The following LDLRAD4 variants were observed in gnomAD, a reference collection of about 807,000 sequenced individuals.
LDLRAD4 encodes low density lipoprotein receptor class A domain containing 4.
LDLRAD4 carries 5 observed loss-of-function variants against 17.0 expected under a neutral mutation model. The ratio of observed to expected loss-of-function variants is 0.29; its 90% CI spans 0.15 to 0.62. The LOEUF (loss-of-function observed/expected upper bound fraction) is 0.62. LDLRAD4 is among the 20% of genes least tolerant of loss of function. The pLI is 0.84. For synonymous variants in LDLRAD4, 168 were observed against 171.8 expected (o/e 0.98, Z 0.17); for missense variants, 340 against 424.7 (o/e 0.80, Z 1.75).
At chr18:13,603,890 C>T (rs187066787) in intron 3 of LDLRAD4, among the ~76,000 whole-genome samples, 5 of 152,328 alleles carry the variant, frequency 3.3e-5, no homozygotes, top group African/African-American at 7.2e-5. Context: ...TCGTGGTGGC[C>T]GGCACATAGT....
chr18:13,612,685 C>T, intron 3 of LDLRAD4: 1 of 1,613,850 alleles, frequency 6.2e-7, no homozygotes. Context: ...GTTGGACTCC[C>T]ACTTGCAGAG....
intron 2 of LDLRAD4, among the ~76,000 whole-genome samples, chr18:13,417,261 G>GT (rs1379354148): frequency 6.6e-6 from 1 of 152,148 alleles, no homozygotes; most frequent in Non-Finnish European, 1.5e-5. Context: ...GTTTGCATAA[G>GT]TTGATTCCTT....
At chr18:13,253,834 C>T (rs574956980) in intron 1 of LDLRAD4, among the ~76,000 whole-genome samples, 10 of 152,310 alleles carry the variant, frequency 6.6e-5, no homozygotes, top group South Asian at 4.1e-4. Flanking sequence ...AGGAAGCTGC[C>T]GGGTGAGTTT....
At chr18:13,483,260 CA>C (rs2093137471) in intron 3 of LDLRAD4, among the ~76,000 whole-genome samples, 3 of 152,214 alleles carry the variant, frequency 2.0e-5, no homozygotes, top group Admixed American at 2.0e-4. Context: ...AGACCTGCCA[CA>C]ACACGGCTCT....
chr18:13,282,627 C>T (rs536879883), intron 1 of LDLRAD4, among the ~76,000 whole-genome samples: 2 of 152,362 alleles, frequency 1.3e-5, no homozygotes, highest in South Asian at 4.1e-4. Context: ...CAGCTCCACT[C>T]CTGTGGCTTT....
chr18:13,515,520 T>G (rs2093851575), intron 3 of LDLRAD4: 2 of 152,254 alleles, frequency 1.3e-5, no homozygotes, highest in African/African-American at 4.8e-5. Flanking sequence ...TAAATTGTCA[T>G]GTAATGCAAG....
chr18:13,473,644 T>TC (rs1439076672), intron 3 of LDLRAD4, among the ~76,000 whole-genome samples: 26 of 63,998 alleles, frequency 4.1e-4, no homozygotes, highest in Middle Eastern at 0.013. Flanking sequence ...CTCATATATA[T>TC]ATATATATAT....
chr18:13,644,567 C>CA (rs34551820), intron 5 of LDLRAD4, among the ~76,000 whole-genome samples: 57,510 of 136,420 alleles, frequency 0.42, 12,646 homozygotes, highest in African/African-American at 0.6. Flanking sequence ...GACCCTGTCT[C>CA]AAAAAAAAAA....
At chr18:13,474,907 G>A (rs1465714021) in intron 3 of LDLRAD4, among the ~76,000 whole-genome samples, 3 of 152,160 alleles carry the variant, frequency 2.0e-5, no homozygotes, top group Admixed American at 6.5e-5. Context: ...ATTCCTCATG[G>A]TTTAGCATGA....
At chr18:13,397,658 G>C (rs1345865076) in intron 2 of LDLRAD4, among the ~76,000 whole-genome samples, 1 of 152,102 alleles carries the variant, frequency 6.6e-6, no homozygotes, top group Non-Finnish European at 1.5e-5. Flanking sequence ...TAGAGCCCTA[G>C]AGCAGCAGGA....
At chr18:13,375,787 C>A (rs1353769538) in intron 1 of LDLRAD4, among the ~76,000 whole-genome samples, 4 of 152,164 alleles carry the variant, frequency 2.6e-5, no homozygotes, top group African/African-American at 9.7e-5. Flanking sequence ...AGGGAGCCTG[C>A]ACCTGGTGGG....
At chr18:13,273,951 T>C (rs971557658), upstream of LDLRAD4, among the ~76,000 whole-genome samples, 1 of 152,080 alleles carries the variant, frequency 6.6e-6, no homozygotes, top group South Asian at 2.1e-4. Flanking sequence ...GGTTTAGGGT[T>C]AGTGAGATCG....
At chr18:13,500,103 A>C (rs1337825016) in intron 3 of LDLRAD4, among the ~76,000 whole-genome samples, 1 of 152,142 alleles carries the variant, frequency 6.6e-6, no homozygotes, top group Admixed American at 6.5e-5. Flanking sequence ...AACTCCTTAC[A>C]ATGTGATGTT....
chr18:13,306,831 C>T (rs1333123285), intron 1 of LDLRAD4, among the ~76,000 whole-genome samples: 2 of 151,956 alleles, frequency 1.3e-5, no homozygotes, highest in Admixed American at 6.6e-5. Flanking sequence ...TAAAAAGGTG[C>T]GCCAGGGGAG....
intron 3 of LDLRAD4, among the ~76,000 whole-genome samples, chr18:13,493,901 G>C (rs2093408647): frequency 6.6e-6 from 1 of 152,214 alleles, no homozygotes; most frequent in Non-Finnish European, 1.5e-5. Context: ...CCATCTGTGT[G>C]CGGGGCCACC....
At chr18:13,524,132 C>T (rs1048990168) in intron 3 of LDLRAD4, among the ~76,000 whole-genome samples, 1 of 152,214 alleles carries the variant, frequency 6.6e-6, no homozygotes, top group African/African-American at 2.4e-5. Context: ...CCCCGACTTC[C>T]CTTGTAACTG....
Position 13,546,527 on chromosome 18 carries a change from C to T in LDLRAD4, c.182-74590C>T, listed in dbSNP as rs550647295. Among the ~76,000 whole-genome samples, 3 of 152,178 alleles carry T rather than the reference C, an allele frequency of 2.0e-5. No homozygotes were observed. In the South Asian group the frequency reaches 6.2e-4, roughly 32 times the overall value. ...GGGACTACAGGTGTGCACCACCATG[C>T]CTGGCTAATTTTTGCATTTTTTGTA... On this transcript the variant is annotated intron_variant, in intron 3 of 5. Coordinates refer to ENST00000359446, the Ensembl canonical transcript of LDLRAD4.
At chr18:13,509,704 A>G (rs185638443) in intron 3 of LDLRAD4, among the ~76,000 whole-genome samples, 1 of 152,368 alleles carries the variant, frequency 6.6e-6, no homozygotes, top group African/African-American at 2.4e-5. Context: ...ATCAAATGCT[A>G]TCAAATAGCA....
chr18:13,466,360 C>T (rs911910693), intron 3 of LDLRAD4, among the ~76,000 whole-genome samples: 1 of 150,172 alleles, frequency 6.7e-6, no homozygotes, highest in Non-Finnish European at 1.5e-5. Flanking sequence ...GTCCCAGCTA[C>T]TTGGGAGGCT....
Sources: allele counts gnomAD v4.1 joint callset (sites outside exome capture counted in the v4.1 genomes callset), GRCh38; gene constraint gnomAD v4.1.1; transcripts MANE v1.5; gene names NCBI Gene and HGNC (gene_info 2026-07-23, HGNC 2026-07-21).